The following RNF144A variants were observed in gnomAD, a reference collection of about 807,000 sequenced individuals.
The protein encoded by RNF144A is ring finger protein 144A.
In RNF144A, 11 loss-of-function variants were observed where a neutral mutation model predicts 38.7. The observed-to-expected ratio is 0.28, with a 90% confidence interval of 0.18 to 0.47. The LOEUF (loss-of-function observed/expected upper bound fraction) is 0.47, where lower values mean the gene tolerates loss of function less well. Ranked by LOEUF, RNF144A falls within the 20% of genes least tolerant of loss-of-function variation. The probability of loss-of-function intolerance (pLI) is 0.99; values close to 1 mark genes in which losing one functional copy is unlikely to be tolerated. For synonymous variants in RNF144A, 149 were observed against 143.9 expected, an observed-to-expected ratio of 1.04 and a Z score of -0.25; for missense variants, 316 against 377.2, an observed-to-expected ratio of 0.84 and a Z score of 1.34.
intron 3 of RNF144A, among the ~76,000 whole-genome samples, chr2:7,008,467 G>C (rs1320495209): frequency 1.3e-5 from 2 of 152,186 alleles, no homozygotes; most frequent in African/African-American, 4.8e-5. Context: ...CCTGCCCCGA[G>C]TGGGTTCTTA....
At chr2:7,062,446 G>A (rs915136393) in intron 6 of RNF144A, among the ~76,000 whole-genome samples, 17 of 149,586 alleles carry the variant, frequency 1.1e-4, no homozygotes, top group Non-Finnish European at 2.1e-4. Context: ...TATGAATAAC[G>A]GAGGTCATGT....
Position 7,042,744 on chromosome 2 carries a change from G to A in RNF144A, c.*2984G>A. On this transcript the variant is annotated 3_prime_UTR_variant, in exon 9 of 9. Coordinates refer to ENST00000320892, the MANE Select transcript of RNF144A (RefSeq NM_014746.6). ...CATAGATGTCCACGTAGCAGAGACTGACTTAGGATCTGAGATAAAGCATCG... is the reference window on the plus strand; with the variant it reads ...CATAGATGTCCACGTAGCAGAGACTAACTTAGGATCTGAGATAAAGCATCG... 1 of 985,520 alleles carries A rather than the reference G, an allele frequency of 1.0e-6. No individual in the cohort carries two copies. Among genetic ancestry groups the A allele is most frequent in the African/African-American group, 1.7e-5 (1 of 57,376 alleles). 61.0% of individuals were successfully genotyped at this position (985,520 alleles called of 1,614,324 possible). A position where few individuals can be genotyped will look rare whatever the true frequency, so the allele number is the denominator to read the frequency against.
intron 2 of RNF144A, among the ~76,000 whole-genome samples, chr2:6,977,180 A>G (rs547633562): frequency 6.6e-5 from 10 of 152,368 alleles, no homozygotes; most frequent in Admixed American, 6.5e-4. Context: ...TTAAATGTTC[A>G]GTTGATTTTA....
At chr2:7,018,322 C>T (rs2103425445) in intron 5 of RNF144A, among the ~76,000 whole-genome samples, 1 of 152,370 alleles carries the variant, frequency 6.6e-6, no homozygotes, top group African/African-American at 2.4e-5. Flanking sequence ...AGCACTTGCA[C>T]CCTCCCGCAG....
At chr2:6,945,545 C>T (rs1666282248) in intron 2 of RNF144A, among the ~76,000 whole-genome samples, 1 of 152,108 alleles carries the variant, frequency 6.6e-6, no homozygotes, top group African/African-American at 2.4e-5. Flanking sequence ...CAACTACTGG[C>T]AAGAGAACAG....
intron 2 of RNF144A, among the ~76,000 whole-genome samples, chr2:6,974,857 TG>T (rs1170507783): frequency 3.3e-5 from 5 of 152,226 alleles, no homozygotes; most frequent in African/African-American, 4.8e-5. Flanking sequence ...AAATATTATT[TG>T]GAATTTTTTT....
intron 1 of RNF144A, among the ~76,000 whole-genome samples, chr2:6,927,436 G>A (rs1027223096): frequency 2.6e-5 from 4 of 152,224 alleles, no homozygotes; most frequent in Non-Finnish European, 4.4e-5. Flanking sequence ...TCCTCGGGAG[G>A]ACCAGCTTGA....
intron 2 of RNF144A, among the ~76,000 whole-genome samples, chr2:6,946,934 C>G (rs944131770): frequency 6.6e-6 from 1 of 152,130 alleles, no homozygotes; most frequent in African/African-American, 2.4e-5. Context: ...GTGGGAAGAT[C>G]TGCTGATTAA....
intron 7 of RNF144A, among the ~76,000 whole-genome samples, chr2:7,029,029 G>A (rs180988657): frequency 6.6e-6 from 1 of 152,344 alleles, no homozygotes; most frequent in African/African-American, 2.4e-5. Context: ...TCCGGCTGCA[G>A]CCCCCAAACT....
intron 6 of RNF144A, among the ~76,000 whole-genome samples, chr2:7,063,626 G>A (rs981853424): frequency 2.6e-5 from 4 of 152,090 alleles, no homozygotes; most frequent in African/African-American, 9.7e-5. Context: ...CAAGGCAGCT[G>A]ACCAACATTA....
chr2:7,074,222 C>T, the RNF144A span, among the ~76,000 whole-genome samples: 3 of 152,118 alleles, frequency 2.0e-5, no homozygotes, highest in Admixed American at 6.5e-5. Context: ...TTCCAGGCAC[C>T]AGAGCTTTCC....
intron 2 of RNF144A, among the ~76,000 whole-genome samples, chr2:6,955,358 C>T (rs1666935382): frequency 6.6e-6 from 1 of 152,116 alleles, no homozygotes; most frequent in Non-Finnish European, 1.5e-5. Flanking sequence ...CTAAGGCTTC[C>T]CCTCTGTGGT....
chr2:7,039,943 T>A lies in RNF144A; in HGVS notation c.*183T>A. Reference sequence around the variant, plus strand: ...TCACAATGTTCGCTGAGGCCCCAGGTGTGGTGGGGAGGGGAGGCAGGTGTG... The same window carrying A: ...TCACAATGTTCGCTGAGGCCCCAGGAGTGGTGGGGAGGGGAGGCAGGTGTG... On this transcript the variant is annotated 3_prime_UTR_variant, in exon 9 of 9. Transcript: ENST00000320892. 1 of 1,413,410 alleles carries A rather than the reference T, an allele frequency of 7.1e-7. No individual in the cohort carries two copies. The highest frequency in any genetic ancestry group is 9.2e-7 in the Non-Finnish European group (1 of 1,085,360). 87.6% of individuals were successfully genotyped at this position (1,413,410 alleles called of 1,614,324 possible).
intron 5 of RNF144A, among the ~76,000 whole-genome samples, chr2:7,018,287 G>A (rs1466601465): frequency 2.6e-5 from 4 of 152,214 alleles, no homozygotes; most frequent in South Asian, 2.1e-4. Flanking sequence ...TTCTCTTCCC[G>A]CGCAGCGTGT....
chr2:7,050,075 T>C (rs573455181), intron 6 of RNF144A, among the ~76,000 whole-genome samples: 1 of 152,206 alleles, frequency 6.6e-6, no homozygotes, highest in Non-Finnish European at 1.5e-5. Context: ...CTGTTTGCCT[T>C]TCCCAGGAGA....
intron 6 of RNF144A, among the ~76,000 whole-genome samples, chr2:7,051,172 CG>C (rs1248460263): frequency 3.1e-4 from 47 of 152,138 alleles, no homozygotes; most frequent in African/African-American, 1.1e-3. Context: ...GAATTGGGGT[CG>C]GGGATGGAGA....
chr2:7,031,186 C>G (rs1400281638), intron 8 of RNF144A, among the ~76,000 whole-genome samples: 2 of 152,138 alleles, frequency 1.3e-5, no homozygotes, highest in Non-Finnish European at 2.9e-5. Flanking sequence ...GGACCCTGGC[C>G]CTAGGTGTTA....
intron 3 of RNF144A, among the ~76,000 whole-genome samples, chr2:6,997,650 C>T (rs976978948): frequency 3.9e-5 from 6 of 152,108 alleles, no homozygotes; most frequent in Admixed American, 1.3e-4. Flanking sequence ...TTTTATCTAT[C>T]GGAAAAGATA....
At chr2:6,951,496 C>T (rs1219581721) in intron 2 of RNF144A, among the ~76,000 whole-genome samples, 1 of 152,194 alleles carries the variant, frequency 6.6e-6, no homozygotes, top group Non-Finnish European at 1.5e-5. Context: ...TTAACAACAG[C>T]AGCAAACCCT....
Sources: allele counts gnomAD v4.1 joint callset (sites outside exome capture counted in the v4.1 genomes callset), GRCh38; gene constraint gnomAD v4.1.1; transcripts MANE v1.5; gene names NCBI Gene and HGNC (gene_info 2026-07-23, HGNC 2026-07-21).